RYR2: variants seen among roughly 807,000 people sequenced by gnomAD.
RYR2 encodes ryanodine receptor 2.
Under a neutral mutation model 601.1 loss-of-function variants are expected in RYR2, and 227 were observed. The ratio of observed to expected loss-of-function variants is 0.38; its 90% CI spans 0.34 to 0.42. The LOEUF is 0.42. Ranked by LOEUF, RYR2 falls within the 10% of genes least tolerant of loss-of-function variation. The pLI is 1.00. For synonymous variants in RYR2, 2,223 were observed against 2,175.1 expected, an observed-to-expected ratio of 1.02 and a Z score of -0.61; for missense variants, 4,646 against 6,156.5, an observed-to-expected ratio of 0.75 and a Z score of 8.21.
At chr1:237,613,667 C>T (rs1194109818) in intron 36 of RYR2, among the ~76,000 whole-genome samples, 1 of 152,112 alleles carries the variant, frequency 6.6e-6, no homozygotes, top group South Asian at 2.1e-4. Context: ...TTAAACATGT[C>T]ATAGAAAATT....
At chr1:237,249,074 T>C (rs1171991163) in intron 1 of RYR2, among the ~76,000 whole-genome samples, 1 of 152,166 alleles carries the variant, frequency 6.6e-6, no homozygotes, top group Non-Finnish European at 1.5e-5. Flanking sequence ...CGAACAAATG[T>C]ACTCTTAGAC....
At chr1:237,308,742 G>T (rs1432007710) in intron 2 of RYR2, among the ~76,000 whole-genome samples, 1 of 152,190 alleles carries the variant, frequency 6.6e-6, no homozygotes. Flanking sequence ...AAGATTTACT[G>T]CAAGGCGTGA....
chr1:237,252,491 C>T (rs1380686653), intron 1 of RYR2, among the ~76,000 whole-genome samples: 1 of 152,152 alleles, frequency 6.6e-6, no homozygotes, highest in Non-Finnish European at 1.5e-5. Flanking sequence ...GCTGACATTA[C>T]ATTTTGTAAC....
rs1182284048 is a variant in RYR2, at chr1:237,330,907, C to T, written c.198C>T (p.Thr66=). ...TGCCCCCAGACCTCTCCATCTGCAC[C>T]TTTGTGCTGGAGCAGTCCCTCTCTG... ...KNVPPDLSIC[T]FVLEQSLSVR... Residue 66 remains threonine, a synonymous_variant, in exon 3 of 105, where the codon ACC becomes ACT. Coordinates refer to ENST00000366574, the MANE Select transcript of RYR2 (RefSeq NM_001035.3). The T allele has an allele frequency of 6.2e-7, 1 of 1,613,966 alleles. No individual in the cohort carries two copies. The highest frequency in any genetic ancestry group is 2.2e-5 in the East Asian group (1 of 44,870).
chr1:237,585,797 G>C lies in RYR2; in HGVS notation c.3599-3996G>C, dbSNP rs568936108. Among the ~76,000 whole-genome samples the C allele has an allele frequency of 1.4e-4, 22 of 152,258 alleles. No homozygotes were observed. The South Asian group carries it at 4.4e-3, about 30-fold the overall frequency. On this transcript the variant is annotated intron_variant, in intron 29 of 104. Transcript: ENST00000366574. The stretch of plus-strand genomic sequence containing the variant: ...CATTCCTTTAAAGGGGACCAAAACA[G>C]TAAAGCAATAAATAGAAATACCATC...
At chr1:237,798,239 C>A in intron 97 of RYR2, 69 bp downstream of exon 97, 1 of 1,418,638 alleles carries the variant, frequency 7.0e-7, no homozygotes, top group Non-Finnish European at 9.6e-7. Context: ...CATTTTTAAA[C>A]TTGTGCATTG....
chr1:237,287,133 C>T (rs10925358), intron 2 of RYR2, among the ~76,000 whole-genome samples: 50,266 of 152,004 alleles, frequency 0.33, 10,531 homozygotes, highest in Non-Finnish European at 0.45. Context: ...GCTGAAGATA[C>T]GGCCCCAGTC....
intron 52 of RYR2, 26 bp from the exon 53 acceptor site, chr1:237,655,795 T>C (rs1404087402): frequency 6.4e-7 from 1 of 1,555,198 alleles, no homozygotes. Flanking sequence ...TAGTAATTTT[T>C]TTTTTTGGTC....
intron 1 of RYR2, among the ~76,000 whole-genome samples, chr1:237,118,213 T>A (rs1047715151): frequency 6.6e-6 from 1 of 152,156 alleles, no homozygotes; most frequent in Non-Finnish European, 1.5e-5. Context: ...TTTGAGAATT[T>A]TTTTTTGGAG....
At chr1:237,426,620 A>G (rs967209996) in intron 12 of RYR2, among the ~76,000 whole-genome samples, 14 of 152,234 alleles carry the variant, frequency 9.2e-5, no homozygotes, top group Non-Finnish European at 1.6e-4. Flanking sequence ...CTTATTGACA[A>G]TAAATTAGAA....
At chr1:237,124,792 G>A (rs1259119524) in intron 1 of RYR2, among the ~76,000 whole-genome samples, 2 of 152,202 alleles carry the variant, frequency 1.3e-5, no homozygotes, top group East Asian at 3.9e-4. Flanking sequence ...GGGCGCGGGG[G>A]GCATTGCTGT....
At chr1:237,243,972 T>C (rs1321988466) in intron 1 of RYR2, among the ~76,000 whole-genome samples, 1 of 152,136 alleles carries the variant, frequency 6.6e-6, no homozygotes, top group African/African-American at 2.4e-5. Flanking sequence ...ATTACTGGTA[T>C]TTATTCTCCT....
chr1:237,778,780 C>G lies in RYR2; in HGVS notation c.11880+10C>G. The G allele has an allele frequency of 7.1e-7, 1 of 1,410,276 alleles. No individual in the cohort carries two copies. The highest frequency in any genetic ancestry group is 1.0e-6 in the Non-Finnish European group (1 of 994,280). 87.4% of individuals were successfully genotyped at this position (1,410,276 alleles called of 1,614,324 possible). Reference sequence around the variant, plus strand: ...GATGAAGCTGTCGCAGGTAAACTAACTAACTGCCTTCCTCTCTCTTAAATG... The same window carrying G: ...GATGAAGCTGTCGCAGGTAAACTAAGTAACTGCCTTCCTCTCTCTTAAATG... On this transcript the variant is annotated intron_variant, in intron 88 of 104. Coordinates refer to ENST00000366574, the MANE Select transcript of RYR2 (RefSeq NM_001035.3).
rs759012078 is a variant in RYR2, at chr1:237,638,364, G to A, written c.6800G>A (p.Arg2267His). ...TAATCATGTTGTTTGCAGGTAGTTC[G>A]TTATTTGGCTGGTTGTGGACTGCAA... The part of the protein sequence containing the change: ...LREPDLEKVV[R>H]YLAGCGLQSC... Residue 2267 changes from arginine (R) to histidine (H), a missense_variant, in exon 45 of 105, where the codon CGT becomes CAT. Arg to His is a conservative substitution (Grantham distance 29). Transcript: ENST00000366574. 2.7e-5 allele frequency: 43 copies of A among 1,613,728 alleles called. No individual in the cohort carries two copies. Among genetic ancestry groups the A allele is most frequent in the South Asian group, 6.6e-5 (6 of 91,074 alleles).
At chr1:237,404,250 AC>A (rs577642372) in intron 10 of RYR2, among the ~76,000 whole-genome samples, 116 of 152,298 alleles carry the variant, frequency 7.6e-4, no homozygotes, top group Admixed American at 2.6e-3. Flanking sequence ...ACAGAGGGAG[AC>A]CCTGTCTCAA....
intron 25 of RYR2, among the ~76,000 whole-genome samples, chr1:237,545,357 T>C (rs957076242): frequency 1.3e-5 from 2 of 152,258 alleles, no homozygotes; most frequent in Non-Finnish European, 2.9e-5. Context: ...CCATGAGATA[T>C]TGCTAGAAAG....
chr1:237,297,038 A>T (rs1014046536), intron 2 of RYR2, among the ~76,000 whole-genome samples: 2 of 152,236 alleles, frequency 1.3e-5, no homozygotes, highest in Non-Finnish European at 2.9e-5. Context: ...CACAAAAAAT[A>T]AAATCACAAT....
At chr1:237,459,822 A>G (rs1303228159) in intron 16 of RYR2, among the ~76,000 whole-genome samples, 1 of 152,084 alleles carries the variant, frequency 6.6e-6, no homozygotes, top group Non-Finnish European at 1.5e-5. Context: ...TCCTGCTCCT[A>G]ATTAGTTTTG....
intron 2 of RYR2, among the ~76,000 whole-genome samples, chr1:237,288,854 A>G (rs12024073): frequency 0.58 from 88,010 of 151,816 alleles, 26,364 homozygotes; most frequent in Non-Finnish European, 0.66. Flanking sequence ...TCAAATTGTT[A>G]CAAAGGCCAG....
Sources: gnomAD v4.1 joint callset for allele counts (sites outside exome capture counted in the v4.1 genomes callset) on GRCh38, gnomAD v4.1.1 for gene constraint, MANE v1.5 for transcripts, NCBI Gene and HGNC (gene_info 2026-07-23, HGNC 2026-07-21) for gene names.